The following MSRA variants were observed in gnomAD, a reference collection of about 807,000 sequenced individuals.
The protein encoded by MSRA is methionine sulfoxide reductase A.
MSRA carries 54 observed loss-of-function variants against 31.3 expected under a neutral mutation model. The ratio of observed to expected loss-of-function variants is 1.73; its 90% confidence interval spans 1.39 to 2.17. The LOEUF is 2.17. Ranked by LOEUF, MSRA falls within the 30% of genes most tolerant of loss-of-function variation. The pLI, the probability that MSRA is intolerant of heterozygous loss-of-function variation, is 0.00. For missense variants in MSRA, 507 were observed against 300.9 expected, an observed-to-expected ratio of 1.69 and a Z score of -5.07; for synonymous variants, 169 against 116.5, an observed-to-expected ratio of 1.45 and a Z score of -2.90.
rs957424650 is a variant in MSRA, at chr8:10,428,131, T to C, written c.544-17T>C. 4.4e-6 allele frequency: 7 copies of C among 1,606,268 alleles called. No homozygotes were observed. The highest frequency in any genetic ancestry group is 5.1e-6 in the Non-Finnish European group (6 of 1,177,416). On this transcript the variant is annotated splice_polypyrimidine_tract_variant and intron_variant, in intron 5 of 5. Coordinates refer to ENST00000317173, the MANE Select transcript of MSRA (RefSeq NM_012331.5). ...CTCTAGCATGGGAGCTGATGGCGCC[T>C]TTCTGTGTCCCCACAGGTTCTTTCA... is the stretch of plus-strand genomic sequence containing the variant.
intron 1 of MSRA, among the ~76,000 whole-genome samples, chr8:10,113,379 A>G (rs1490720208): frequency 7.3e-6 from 1 of 137,144 alleles, no homozygotes; most frequent in African/African-American, 2.8e-5. Context: ...GGGGGAAGGG[A>G]GGATCTATGG....
At chr8:10,073,761 A>C (rs1442898876) in intron 1 of MSRA, among the ~76,000 whole-genome samples, 2 of 152,078 alleles carry the variant, frequency 1.3e-5, no homozygotes, top group African/African-American at 4.8e-5. Context: ...CTGTATTTCT[A>C]TCAACGGTAG....
intron 5 of MSRA, among the ~76,000 whole-genome samples, chr8:10,322,175 G>A (rs1802079918): frequency 6.6e-6 from 1 of 152,114 alleles, no homozygotes; most frequent in Non-Finnish European, 1.5e-5. Flanking sequence ...AAAGCCATAT[G>A]TTCTATTTGA....
intron 5 of MSRA, among the ~76,000 whole-genome samples, chr8:10,332,531 G>A (rs1041570384): frequency 6.7e-6 from 1 of 150,264 alleles, no homozygotes; most frequent in Non-Finnish European, 1.5e-5. Flanking sequence ...TTAAAATTAC[G>A]GGTGTTATTA....
intron 1 of MSRA, among the ~76,000 whole-genome samples, chr8:10,080,069 C>T (rs1319619401): frequency 6.6e-6 from 1 of 152,182 alleles, no homozygotes; most frequent in Non-Finnish European, 1.5e-5. Context: ...ACGCTTCTTT[C>T]TTGCATGGTC....
chr8:10,155,558 G>C (rs1010202757), intron 1 of MSRA, among the ~76,000 whole-genome samples: 1 of 152,138 alleles, frequency 6.6e-6, no homozygotes, highest in African/African-American at 2.4e-5. Flanking sequence ...CTTCGTTTCT[G>C]AATTTCTCTT....
intron 2 of MSRA, among the ~76,000 whole-genome samples, chr8:10,218,189 G>A (rs10102391): frequency 6.6e-6 from 1 of 150,632 alleles, no homozygotes; most frequent in African/African-American, 2.4e-5. Context: ...CTCTGTTGCC[G>A]AGGCTGGAGT....
chr8:10,388,974 C>T (rs1223985174), intron 5 of MSRA, among the ~76,000 whole-genome samples: 1 of 152,138 alleles, frequency 6.6e-6, no homozygotes. Flanking sequence ...AACTAGGGCA[C>T]TGGAAGTATG....
intron 5 of MSRA, among the ~76,000 whole-genome samples, chr8:10,332,232 T>C (rs1007401451): frequency 6.6e-6 from 1 of 152,214 alleles, no homozygotes; most frequent in African/African-American, 2.4e-5. Flanking sequence ...AAGACTGTTG[T>C]TTTCACCAAC....
chr8:10,266,621 G>A (rs1176389772), intron 3 of MSRA, among the ~76,000 whole-genome samples: 2 of 150,882 alleles, frequency 1.3e-5, no homozygotes, highest in Non-Finnish European at 3.0e-5. Flanking sequence ...TTTTTTTTAT[G>A]GATGAAACTT....
At chr8:10,292,238 C>T (rs1046114079) in intron 3 of MSRA, among the ~76,000 whole-genome samples, 3 of 152,110 alleles carry the variant, frequency 2.0e-5, no homozygotes, top group Admixed American at 6.5e-5. Context: ...GAGCTGGGGT[C>T]CATACAGATG....
At chr8:10,066,790 C>G (rs111325662) in intron 1 of MSRA, among the ~76,000 whole-genome samples, 6 of 152,280 alleles carry the variant, frequency 3.9e-5, no homozygotes, top group East Asian at 3.9e-4. Context: ...CTACCTCACC[C>G]TCCCAAAGTG....
rs1436842033 is a variant in MSRA, at chr8:10,184,015, TGTTGGTGG to T, written c.143-23817_143-23810del. On this transcript the variant is annotated intron_variant, in intron 1 of 5. Transcript: ENST00000317173. Reference sequence around the variant, plus strand: ...TTTCTTGGCTACTAGGTGGTGGTGGTGTTGGTGGTGTTGGTCTTGGTGGTGTTCGTGAT... The same window carrying T: ...TTTCTTGGCTACTAGGTGGTGGTGGTTGTTGGTCTTGGTGGTGTTCGTGAT... Among the ~76,000 whole-genome samples, 21 of 54,940 alleles carry T rather than the reference TGTTGGTGG, an allele frequency of 3.8e-4. No individual in the cohort carries two copies. The South Asian group carries it at 5.5e-3, about 14-fold the overall frequency. 36.0% of individuals were successfully genotyped at this position (54,940 alleles called of 152,430 possible).
chr8:10,054,839 T>G (rs1254137239), intron 1 of MSRA, among the ~76,000 whole-genome samples, 181 bp downstream of exon 1: 2 of 152,194 alleles, frequency 1.3e-5, no homozygotes, highest in African/African-American at 4.8e-5. Context: ...TGGGGTCCAC[T>G]GACGTCCCTT....
At chr8:10,206,269 G>T (rs1476827370) in intron 1 of MSRA, among the ~76,000 whole-genome samples, 1 of 152,062 alleles carries the variant, frequency 6.6e-6, no homozygotes, top group Non-Finnish European at 1.5e-5. Context: ...TGCTTGACAG[G>T]GTCCTTCCAT....
intron 1 of MSRA, among the ~76,000 whole-genome samples, chr8:10,101,387 A>T (rs1160682121): frequency 6.6e-6 from 1 of 152,194 alleles, no homozygotes; most frequent in African/African-American, 2.4e-5. Flanking sequence ...TAAAATATGC[A>T]TAACATATTT....
At chr8:10,283,201 A>G (rs2129108385) in intron 3 of MSRA, among the ~76,000 whole-genome samples, 1 of 118,380 alleles carries the variant, frequency 8.4e-6, no homozygotes, top group East Asian at 2.1e-4. Context: ...TTGTTGCAGA[A>G]GTTACCATTC....
chr8:10,180,866 T>C (rs549881091), intron 1 of MSRA, among the ~76,000 whole-genome samples: 3 of 152,342 alleles, frequency 2.0e-5, no homozygotes, highest in Non-Finnish European at 2.9e-5. Flanking sequence ...AAATGCTCCA[T>C]CTATTTCTTC....
chr8:10,096,012 CAGAA>C, intron 1 of MSRA: 1 of 1,444,908 alleles, frequency 6.9e-7, no homozygotes, highest in Non-Finnish European at 9.1e-7. Context: ...CAAATCAAAT[CAGAA>C]AGACATCCTT....
Sources: allele counts gnomAD v4.1 joint callset (sites outside exome capture counted in the v4.1 genomes callset), GRCh38; gene constraint gnomAD v4.1.1; transcripts MANE v1.5; gene names NCBI Gene and HGNC (gene_info 2026-07-23, HGNC 2026-07-21).